The following PLPPR1 variants were observed in gnomAD, a reference collection of about 807,000 sequenced individuals.
PLPPR1 encodes phospholipid phosphatase related 1, also known as phospholipid phosphatase-related protein type 1.
In PLPPR1, 10 loss-of-function variants were observed where a neutral mutation model predicts 33.1. That is an observed-to-expected ratio of 0.30 (90% CI 0.19 to 0.51). PLPPR1 has a LOEUF of 0.51. Among genes scored for constraint, PLPPR1 ranks in the 20% least tolerant of loss-of-function variants. The pLI is 0.97. For missense variants in PLPPR1, 304 were observed against 408.1 expected (o/e 0.74, Z 2.20); for synonymous variants, 151 against 151.0 (o/e 1.00, Z 0.00).
At chr9:101,293,055 C>T (rs955667583) in intron 4 of PLPPR1, among the ~76,000 whole-genome samples, 1 of 151,920 alleles carries the variant, frequency 6.6e-6, no homozygotes, top group African/African-American at 2.4e-5. Context: ...ATTCAGGAAA[C>T]CCATCTCATG....
intron 3 of PLPPR1, among the ~76,000 whole-genome samples, chr9:101,279,434 A>C: frequency 6.6e-6 from 1 of 152,188 alleles, no homozygotes; most frequent in South Asian, 2.1e-4. Flanking sequence ...CAGACAGAAA[A>C]TCAATAAAGG....
chr9:101,238,450 A>G (rs1382322469), intron 2 of PLPPR1, among the ~76,000 whole-genome samples: 1 of 150,068 alleles, frequency 6.7e-6, no homozygotes, highest in Non-Finnish European at 1.5e-5. Flanking sequence ...CTACTCATCT[A>G]TAAAAAAGAA....
intron 2 of PLPPR1, among the ~76,000 whole-genome samples, chr9:101,189,758 T>C (rs1826263162): frequency 6.6e-6 from 1 of 152,172 alleles, no homozygotes; most frequent in Non-Finnish European, 1.5e-5. Context: ...TGCTGCTTTT[T>C]AATTTCCAGA....
chr9:101,031,569 TG>T, intron 1 of PLPPR1, among the ~76,000 whole-genome samples: 1 of 152,212 alleles, frequency 6.6e-6, no homozygotes, highest in African/African-American at 2.4e-5. Context: ...TGCTGGAGGC[TG>T]GGGAAAAAAA....
chr9:101,140,691 A>G (rs4743445), intron 1 of PLPPR1, among the ~76,000 whole-genome samples: 23,146 of 152,188 alleles, frequency 0.15, 2,117 homozygotes, highest in Non-Finnish European at 0.2. Context: ...GTGGAGCAGA[A>G]TAGGGATAAA....
chr9:101,064,418 A>T (rs1191757132), intron 1 of PLPPR1, among the ~76,000 whole-genome samples: 2 of 152,102 alleles, frequency 1.3e-5, no homozygotes, highest in African/African-American at 4.8e-5. Context: ...GAATGAATGA[A>T]TGGGGTTATG....
intron 2 of PLPPR1, among the ~76,000 whole-genome samples, chr9:101,203,947 T>A (rs1371220963): frequency 6.6e-6 from 1 of 152,100 alleles, no homozygotes; most frequent in Non-Finnish European, 1.5e-5. Context: ...GTTATGTCTT[T>A]GTTTTTCTTA....
At chr9:101,278,027 G>T (rs147906076) in intron 3 of PLPPR1, among the ~76,000 whole-genome samples, 1 of 152,092 alleles carries the variant, frequency 6.6e-6, no homozygotes, top group African/African-American at 2.4e-5. Flanking sequence ...TCCAAAGCCC[G>T]CATTCAGGAA....
At chr9:101,224,023 A>T (rs958128609) in intron 2 of PLPPR1, among the ~76,000 whole-genome samples, 1 of 152,178 alleles carries the variant, frequency 6.6e-6, no homozygotes, top group African/African-American at 2.4e-5. Flanking sequence ...GTATTATAAC[A>T]TATGGCTTGA....
At chr9:101,138,073 A>C (rs1318871019) in intron 1 of PLPPR1, among the ~76,000 whole-genome samples, 2 of 152,196 alleles carry the variant, frequency 1.3e-5, no homozygotes, top group Admixed American at 1.3e-4. Flanking sequence ...TGGGCAACTA[A>C]GTTATGCACA....
intron 1 of PLPPR1, among the ~76,000 whole-genome samples, chr9:101,060,487 T>A (rs1421600464): frequency 1.3e-5 from 2 of 151,972 alleles, no homozygotes; most frequent in African/African-American, 4.8e-5. Context: ...AATATTGATA[T>A]GTGAGGTAAT....
At chr9:101,081,592 A>G (rs1021430473) in intron 1 of PLPPR1, among the ~76,000 whole-genome samples, 3 of 152,252 alleles carry the variant, frequency 2.0e-5, no homozygotes, top group African/African-American at 7.2e-5. Flanking sequence ...GGAGAATTAT[A>G]TGAATTATGG....
rs372726559 is a variant in PLPPR1 at position 101,324,082 on chromosome 9, T to G, written c.*25T>G. 6.8e-5 allele frequency: 109 copies of G among 1,601,142 alleles called. No homozygotes were observed. The highest frequency in any genetic ancestry group is 9.2e-5 in the Non-Finnish European group (107 of 1,169,218). On this transcript the variant is annotated 3_prime_UTR_variant, in exon 8 of 8. Coordinates refer to ENST00000374874, the MANE Select transcript of PLPPR1 (RefSeq NM_207299.2). The stretch of plus-strand genomic sequence containing the variant: ...AGACGACTGATGTGTCACAAGCTGT[T>G]TTTTAAAATCATCTTCCAATTCTAT...
chr9:101,282,089 C>G (rs186769397), intron 3 of PLPPR1, among the ~76,000 whole-genome samples: 67 of 152,158 alleles, frequency 4.4e-4, no homozygotes, highest in African/African-American at 1.6e-3. Context: ...GTCAGCATTC[C>G]CCTAATACCA....
At position 101,159,040 on chromosome 9, in the gene PLPPR1, G is replaced by C. The variant is rs542102704; in HGVS notation, c.-45-26410G>C. On this transcript the variant is annotated intron_variant, in intron 1 of 7. Transcript: ENST00000374874. Reference sequence around the variant, plus strand: ...TTTGAGAGTCAAACATGTTTAATTAGAAATCTATAGGATAAAAACCTACCC... The same window carrying C: ...TTTGAGAGTCAAACATGTTTAATTACAAATCTATAGGATAAAAACCTACCC... 2.5e-3 allele frequency among the ~76,000 whole-genome samples: 381 copies of C among 152,268 alleles called. 3 individuals are homozygous for C. Among genetic ancestry groups the C allele is most frequent in the Non-Finnish European group, 3.4e-3 (232 of 68,008 alleles).
At chr9:101,310,457 G>A (rs1392430612) in intron 5 of PLPPR1, among the ~76,000 whole-genome samples, 2 of 152,172 alleles carry the variant, frequency 1.3e-5, no homozygotes. Context: ...CTTTCAAACT[G>A]TCCATTCTTC....
At chr9:101,263,157 A>G (rs1436165453) in intron 2 of PLPPR1, among the ~76,000 whole-genome samples, 1 of 152,172 alleles carries the variant, frequency 6.6e-6, no homozygotes, top group Non-Finnish European at 1.5e-5. Flanking sequence ...GTATAATTTA[A>G]AAAAAGAAAA....
chr9:101,276,230 T>TA (rs956757245), intron 3 of PLPPR1, among the ~76,000 whole-genome samples: 12 of 152,024 alleles, frequency 7.9e-5, no homozygotes, highest in African/African-American at 1.9e-4. Flanking sequence ...CTTCCTTTTT[T>TA]AAAAAAAAAT....
At chr9:101,200,571 A>T (rs1276026933) in intron 2 of PLPPR1, among the ~76,000 whole-genome samples, 2 of 152,300 alleles carry the variant, frequency 1.3e-5, no homozygotes, top group Middle Eastern at 6.8e-3. Context: ...GAGCTATGTG[A>T]TCCAGGGTAC....
Sources: gnomAD v4.1 joint callset for allele counts (sites outside exome capture counted in the v4.1 genomes callset) on GRCh38, gnomAD v4.1.1 for gene constraint, MANE v1.5 for transcripts, NCBI Gene and HGNC (gene_info 2026-07-23, HGNC 2026-07-21) for gene names.